PRDM5: variants seen among roughly 807,000 people sequenced by gnomAD.
PRDM5 encodes PR domain zinc finger protein 5.
Under a neutral mutation model 81.2 loss-of-function variants are expected in PRDM5, and 56 were observed. The ratio of observed to expected loss-of-function variants is 0.69; its 90% CI spans 0.56 to 0.86. PRDM5 has a LOEUF of 0.86. PRDM5 is among the 40% of genes least tolerant of loss of function. The probability of loss-of-function intolerance (pLI) is 0.00; values close to 1 mark genes in which losing one functional copy is unlikely to be tolerated. For synonymous variants in PRDM5, 267 were observed against 256.4 expected, an observed-to-expected ratio of 1.04 and a Z score of -0.39; for missense variants, 697 against 770.1, an observed-to-expected ratio of 0.91 and a Z score of 1.12.
In PRDM5 at chr4:120,811,250, T is replaced by C. The variant is rs185210762; in HGVS notation, c.945+120A>G. 431 of 582,074 alleles carry C rather than the reference T, an allele frequency of 7.4e-4. 11 individuals carry two copies. The East Asian group carries it at 0.013, about 18-fold the overall frequency. The allele number at this position is 582,074 out of a possible 1,614,324, so 36.1% of individuals were successfully genotyped here. Reference sequence around the variant, plus strand: ...ATGTTGTTAGAGTTAATAATTGCCATTGATTTTTCAGATTATCTTTTCACA... The same window carrying C: ...ATGTTGTTAGAGTTAATAATTGCCACTGATTTTTCAGATTATCTTTTCACA... On this transcript the variant is annotated intron_variant, in intron 8 of 15. Coordinates refer to ENST00000264808, the MANE Select transcript of PRDM5 (RefSeq NM_018699.4).
At chr4:120,918,043 T>A (rs1284837086) in intron 1 of PRDM5, among the ~76,000 whole-genome samples, 5 of 152,328 alleles carry the variant, frequency 3.3e-5, no homozygotes, top group Admixed American at 6.5e-5. Context: ...TAGTGACTGT[T>A]GTCTCTGTCA....
At position 120,903,899 on chromosome 4, in the gene PRDM5, T is replaced by A. The variant is rs114138626; in HGVS notation, c.177+3575A>T. ...ATATGGAACTGTGAGACCATTAAAC[T>A]TCCTTCCTGGCTGGGCATGGTGACT... is the stretch of plus-strand genomic sequence containing the variant. On this transcript the variant is annotated intron_variant, in intron 2 of 15. Coordinates refer to ENST00000264808, the MANE Select transcript of PRDM5 (RefSeq NM_018699.4). Among the ~76,000 whole-genome samples, 1,220 of 152,122 alleles carry A rather than the reference T, an allele frequency of 8.0e-3. 17 individuals are homozygous for A. Among genetic ancestry groups the A allele is most frequent in the African/African-American group, 0.028 (1,162 of 41,514 alleles).
chr4:120,845,823 T>C (rs373559736), intron 3 of PRDM5, among the ~76,000 whole-genome samples: 84 of 152,356 alleles, frequency 5.5e-4, no homozygotes, highest in African/African-American at 1.9e-3. Context: ...ATTGACATTC[T>C]AAATGCCATT....
chr4:120,707,548 G>A (rs1736372264), intron 15 of PRDM5, among the ~76,000 whole-genome samples: 1 of 150,652 alleles, frequency 6.6e-6, no homozygotes. Flanking sequence ...AAAACTATAA[G>A]ACTCTTAGAG....
intron 2 of PRDM5, among the ~76,000 whole-genome samples, chr4:120,894,940 T>C (rs1309318638): frequency 6.6e-6 from 1 of 152,220 alleles, no homozygotes; most frequent in Non-Finnish European, 1.5e-5. Context: ...TCCGCTCCAT[T>C]CTTTCTCTCC....
chr4:120,846,335 T>C (rs749170177), intron 3 of PRDM5, among the ~76,000 whole-genome samples: 36 of 152,222 alleles, frequency 2.4e-4, no homozygotes, highest in Non-Finnish European at 4.6e-4. Flanking sequence ...GCAAACTTCA[T>C]TGTTGTCTTA....
chr4:120,880,123 C>T (rs1051337401), intron 2 of PRDM5, among the ~76,000 whole-genome samples: 1 of 152,074 alleles, frequency 6.6e-6, no homozygotes, highest in African/African-American at 2.4e-5. Context: ...CGAGGGTAGA[C>T]ATGGGAACTC....
intron 14 of PRDM5, among the ~76,000 whole-genome samples, chr4:120,736,143 T>A (rs1377324501): frequency 6.6e-6 from 1 of 151,850 alleles, no homozygotes. Context: ...TCCAATTCCA[T>A]CCATTTTGTT....
At chr4:120,861,685 C>T (rs1003510471) in intron 2 of PRDM5, among the ~76,000 whole-genome samples, 1 of 151,934 alleles carries the variant, frequency 6.6e-6, no homozygotes, top group Non-Finnish European at 1.5e-5. Context: ...GTAGTCCCAG[C>T]TACTCAGGAG....
intron 8 of PRDM5, among the ~76,000 whole-genome samples, chr4:120,808,859 A>G (rs1293676674): frequency 6.6e-6 from 1 of 152,162 alleles, no homozygotes; most frequent in Non-Finnish European, 1.5e-5. Context: ...GGCTGCTTCA[A>G]GTGAGGGGCC....
At chr4:120,849,413 A>G (rs1456827866) in intron 3 of PRDM5, among the ~76,000 whole-genome samples, 2 of 152,200 alleles carry the variant, frequency 1.3e-5, no homozygotes, top group African/African-American at 2.4e-5. Context: ...CTAAACTGAC[A>G]GCAGAATTGG....
intron 13 of PRDM5, 142 bp downstream of exon 13, chr4:120,777,046 T>C (rs1748260572): frequency 1.3e-6 from 2 of 1,482,370 alleles, no homozygotes; most frequent in Admixed American, 2.2e-5. Context: ...AAAACTGGGT[T>C]GTACAATGCT....
rs70948364 is a variant in PRDM5, at chr4:120,794,514, A to AACACACAC, written c.1188+3745_1188+3752dup. Among the ~76,000 whole-genome samples the AACACACAC allele has an allele frequency of 1.3e-3, 181 of 143,692 alleles. 1 individual carries two copies. The highest frequency in any genetic ancestry group is 1.4e-3 in the Non-Finnish European group (95 of 66,022). 94.3% of individuals were successfully genotyped at this position (143,692 alleles called of 152,430 possible). A position where few individuals can be genotyped will look rare whatever the true frequency, so the allele number is the denominator to read the frequency against. On this transcript the variant is annotated intron_variant, in intron 10 of 15. Coordinates refer to ENST00000264808, the MANE Select transcript of PRDM5 (RefSeq NM_018699.4). ...ATAAATAATTCTGACTCCAAAATCT[A>AACACACAC]ACACACACACACACACACACACACA...
Position 120,907,480 on chromosome 4 carries a change from C to T in PRDM5, c.171G>A (p.Met57Ile). The T allele has an allele frequency of 1.2e-6, 2 of 1,604,486 alleles. No homozygotes were observed. The highest frequency in any genetic ancestry group is 1.7e-6 in the Non-Finnish European group (2 of 1,171,290). Reference protein sequence around the residue: ...DLDENMDYRLMWEVRGSKGEV... With the variant: ...DLDENMDYRLIWEVRGSKGEV... ...AAATAAGTCATATCCTCACCTCCCACATCAACCTGTAATCCATATTTTCAT... is the reference window on the plus strand; with the variant it reads ...AAATAAGTCATATCCTCACCTCCCATATCAACCTGTAATCCATATTTTCAT... Residue 57 changes from methionine (M) to isoleucine (I), a missense_variant, in exon 2 of 16, where the codon ATG becomes ATA. Physicochemically the swap from Met to Ile is conservative, Grantham distance 10 (BLOSUM62 1). Around this residue, in one of 3 missense-constraint regions of PRDM5, gnomAD observed 577 missense variants for 606.7 expected, o/e 0.95. Transcript: ENST00000264808.
intron 1 of PRDM5, among the ~76,000 whole-genome samples, chr4:120,685,781 A>C (rs1435744230): frequency 6.6e-6 from 1 of 152,086 alleles, no homozygotes; most frequent in African/African-American, 2.4e-5. Context: ...GATGTTACAG[A>C]TTTATCATCT....
chr4:120,880,652 T>C (rs1401324550), intron 2 of PRDM5, among the ~76,000 whole-genome samples: 3 of 152,130 alleles, frequency 2.0e-5, no homozygotes, highest in Non-Finnish European at 2.9e-5. Context: ...ATATTTAATC[T>C]CAGTTTAGGT....
At chr4:120,788,176 A>C (rs949105240) in intron 10 of PRDM5, among the ~76,000 whole-genome samples, 1 of 152,150 alleles carries the variant, frequency 6.6e-6, no homozygotes, top group Non-Finnish European at 1.5e-5. Flanking sequence ...TTTTTTTTAA[A>C]TAAAAGGAAA....
At chr4:120,697,301 T>C (rs984903630) in intron 15 of PRDM5, among the ~76,000 whole-genome samples, 2 of 152,090 alleles carry the variant, frequency 1.3e-5, no homozygotes, top group African/African-American at 4.8e-5. Flanking sequence ...CAGAAGAATC[T>C]TGGATAGACA....
chr4:120,779,358 T>C (rs1748665028), intron 12 of PRDM5, among the ~76,000 whole-genome samples: 1 of 152,158 alleles, frequency 6.6e-6, no homozygotes, highest in Non-Finnish European at 1.5e-5. Flanking sequence ...ACTATGAATA[T>C]ACTGTGTGAC....
Sources: gnomAD v4.1 joint callset for allele counts (sites outside exome capture counted in the v4.1 genomes callset) on GRCh38, gnomAD v4.1.1 for gene constraint, gnomAD v4.1.1 regional missense constraint, MANE v1.5 for transcripts, NCBI Gene and HGNC (gene_info 2026-07-23, HGNC 2026-07-21) for gene names.